REV3L: variants seen among roughly 807,000 people sequenced by gnomAD.
REV3L encodes the protein DNA polymerase zeta catalytic subunit.
A neutral mutation model predicts 299.4 loss-of-function variants in REV3L; 69 were observed. The observed-to-expected ratio is 0.23, with a 90% CI of 0.19 to 0.28. The LOEUF is 0.28. REV3L is among the 10% of genes least tolerant of loss of function. The probability of loss-of-function intolerance (pLI) is 1.00; values close to 1 mark genes in which losing one functional copy is unlikely to be tolerated. For missense variants in REV3L, 3,128 were observed against 3,693.8 expected (o/e 0.85, Z 3.97); for synonymous variants, 1,238 against 1,271.4 (o/e 0.97, Z 0.56).
At chr6:111,372,455 A>G (rs985881414) in intron 13 of REV3L, 141 bp downstream of exon 13, 1 of 550,070 alleles carries the variant, frequency 1.8e-6, no homozygotes, top group Non-Finnish European at 2.8e-6. Context: ...CCACAATGAT[A>G]TACTTACAAA....
In REV3L at chr6:111,333,184, T is replaced by C. The variant is rs1428215101; in HGVS notation, c.7864A>G (p.Ile2622Val). Residue 2622 changes from isoleucine to valine, a missense_variant, in exon 23 of 32, where the codon ATT becomes GTT. Physicochemically the swap from Ile to Val is conservative, Grantham distance 29. Coordinates refer to ENST00000368802, the MANE Select transcript of REV3L (RefSeq NM_001372078.1). ...VLDFQSLYPS[I>V]VIAYNYCFST... is the part of the protein sequence containing the mutation. ...AAGCAGTAGTTATATGCAATCACAA[T>C]AGAAGGATAAAGTGATTGGAAATCC... 6 of 1,614,062 alleles carry C rather than the reference T, an allele frequency of 3.7e-6. No individual in the cohort carries two copies. Among genetic ancestry groups the C allele is most frequent in the Admixed American group, 1.7e-5 (1 of 60,022 alleles).
At position 111,422,626 on chromosome 6, in the gene REV3L, A is replaced by G. The variant is rs1785587264; in HGVS notation, c.140-6154T>C. Among the ~76,000 whole-genome samples the G allele has an allele frequency of 2.6e-4, 7 of 27,172 alleles. 1 individual carries two copies. The highest frequency in any genetic ancestry group is 5.5e-4 in the Non-Finnish European group (4 of 7,310). 17.8% of individuals were successfully genotyped at this position (27,172 alleles called of 152,430 possible). A position where few individuals can be genotyped will look rare whatever the true frequency, so the allele number is the denominator to read the frequency against. On this transcript the variant is annotated intron_variant, in intron 1 of 31. Coordinates refer to ENST00000368802, the MANE Select transcript of REV3L (RefSeq NM_001372078.1). ...TATATATATATACACATATATATAT[A>G]TATACACATATATATATATATACAT...
intron 19 of REV3L, among the ~76,000 whole-genome samples, chr6:111,351,314 AATAATTATGAAGACTATTTC>A (rs1777544305): frequency 6.6e-6 from 1 of 152,150 alleles, no homozygotes; most frequent in South Asian, 2.1e-4. Flanking sequence ...GTAGCTTCAT[AATAATTATGAAGACTATTTC>A]ATAATGCAGA....
rs1772779813 is a variant in REV3L at position 111,309,960 on chromosome 6, T to G, written c.8935A>C (p.Arg2979=). 6.2e-7 allele frequency: 1 copy of G among 1,613,962 alleles called. No homozygotes were observed. The highest frequency in any genetic ancestry group is 8.5e-7 in the Non-Finnish European group (1 of 1,180,004). ...PVEVLQDPTL[R]LNATYYITKQ... ...GTAATATAGTAAGTAGCATTCAGTC[T>G]CAGAGTTGGGTCCTGCAGGACTTCC... Residue 2979 remains arginine (R), a synonymous_variant, in exon 30 of 32, where the codon AGA becomes CGA. Coordinates refer to ENST00000368802, the MANE Select transcript of REV3L (RefSeq NM_001372078.1).
Position 111,333,304 on chromosome 6 carries a change from T to C in REV3L, c.7744A>G (p.Ser2582Gly), listed in dbSNP as rs759429378. 1.9e-6 allele frequency: 3 copies of C among 1,614,072 alleles called. No homozygotes were observed. Among genetic ancestry groups the C allele is most frequent in the South Asian group, 2.2e-5 (2 of 91,084 alleles). Residue 2582 changes from serine (S) to glycine (G), a missense_variant, in exon 23 of 32, where the codon AGT becomes GGT. By Grantham distance (56) the Ser-to-Gly change is moderately conservative (BLOSUM62 0). Transcript: ENST00000368802. ...KPMNYIPVTPSVQQRSQMRAP... is the reference protein window; with the variant it reads ...KPMNYIPVTPGVQQRSQMRAP... Reference sequence around the variant, plus strand: ...CTCATCTGGGATCTTTGCTGAACACTAGGTGTCACAGGAATATAGTTCATT... The same window carrying C: ...CTCATCTGGGATCTTTGCTGAACACCAGGTGTCACAGGAATATAGTTCATT...
In REV3L at chr6:111,329,562, A is replaced by G; in HGVS notation, c.8211T>C (p.Ala2737=). 1 of 1,614,182 alleles carries G rather than the reference A, an allele frequency of 6.2e-7. No individual in the cohort carries two copies. ...IANVTFGYTS[A]NFSGRMPCIE... The stretch of plus-strand genomic sequence containing the variant: ...TGCATGGCATTCTCCCAGAAAAATT[A>G]GCAGATGTATAGCCAAATGTGACAT... Residue 2737 remains alanine, a synonymous_variant, in exon 25 of 32, where the codon GCT becomes GCC. Transcript: ENST00000368802.
At chr6:111,411,385 A>T in intron 3 of REV3L, 95 bp downstream of exon 3, 1 of 772,280 alleles carries the variant, frequency 1.3e-6, no homozygotes, top group African/African-American at 1.8e-5. Flanking sequence ...CTTTAATAAG[A>T]CTACAAACTA....
chr6:111,367,424 A>T lies in REV3L; in HGVS notation c.6364T>A (p.Ser2122Thr). The T allele has an allele frequency of 1.2e-6, 2 of 1,611,520 alleles. No homozygotes were observed. The highest frequency in any genetic ancestry group is 1.7e-6 in the Non-Finnish European group (2 of 1,179,036). The change falls in exon 14 of 32, where the codon TCT becomes ACT. Residue 2122 changes from serine (S) to threonine (T), a missense_variant. Ser to Thr is a moderately conservative substitution (Grantham distance 58). Around this residue, in one of 9 missense-constraint regions of REV3L, gnomAD observed 2,409 missense variants for 2,611.8 expected, o/e 0.92. Coordinates refer to ENST00000368802, the MANE Select transcript of REV3L (RefSeq NM_001372078.1). ...TGTTGCCAAGGGGGAATTACTGGAG[A>T]ATCAGGGGAGCTATAACTAATGTAA... ...NYYISYSSPD[S>T]PVIPPWQQPI...
intron 1 of REV3L, among the ~76,000 whole-genome samples, chr6:111,424,378 A>G (rs915231977): frequency 1.3e-4 from 20 of 152,210 alleles, no homozygotes; most frequent in Non-Finnish European, 2.8e-4. Flanking sequence ...GGACCTTTCA[A>G]TATCTGTTCC....
At chr6:111,475,931 C>T (rs989495177) in intron 1 of REV3L, among the ~76,000 whole-genome samples, 2 of 152,162 alleles carry the variant, frequency 1.3e-5, no homozygotes, top group Non-Finnish European at 2.9e-5. Context: ...AGATGACTAA[C>T]TGGCTATCCC....
chr6:111,318,366 T>C (rs767906642), intron 26 of REV3L, among the ~76,000 whole-genome samples: 1 of 151,964 alleles, frequency 6.6e-6, no homozygotes, highest in Non-Finnish European at 1.5e-5. Context: ...GCCAGGATGG[T>C]CTCCATCTGC....
chr6:111,325,351 T>C (rs553214355), intron 25 of REV3L, among the ~76,000 whole-genome samples: 1 of 152,234 alleles, frequency 6.6e-6, no homozygotes, highest in Non-Finnish European at 1.5e-5. Flanking sequence ...TAAGTCCAAC[T>C]GAGACAGAGA....
At chr6:111,305,309 T>C (rs192324154) in intron 31 of REV3L, among the ~76,000 whole-genome samples, 1 of 152,142 alleles carries the variant, frequency 6.6e-6, no homozygotes, top group East Asian at 1.9e-4. Flanking sequence ...AGAAATAAGA[T>C]GGCCGGGCAT....
At chr6:111,314,421 G>T (rs770837284) in intron 27 of REV3L, among the ~76,000 whole-genome samples, 31 of 152,160 alleles carry the variant, frequency 2.0e-4, no homozygotes, top group Non-Finnish European at 4.0e-4. Flanking sequence ...TCTTTGGGAT[G>T]TTCACACCTA....
intron 4 of REV3L, among the ~76,000 whole-genome samples, chr6:111,404,966 C>A (rs961410446): frequency 2.0e-5 from 3 of 152,136 alleles, no homozygotes; most frequent in African/African-American, 7.2e-5. Context: ...GAGAGACCAA[C>A]ACGTCCACTA....
At chr6:111,352,766 G>A (rs1374044661) in intron 18 of REV3L, among the ~76,000 whole-genome samples, 1 of 152,164 alleles carries the variant, frequency 6.6e-6, no homozygotes, top group Non-Finnish European at 1.5e-5. Context: ...GAAGAAAAAT[G>A]TGCTCCTCGT....
At chr6:111,476,571 T>C (rs1792966945) in intron 1 of REV3L, among the ~76,000 whole-genome samples, 1 of 152,100 alleles carries the variant, frequency 6.6e-6, no homozygotes, top group Admixed American at 6.6e-5. Context: ...GATTATGGAG[T>C]TTTAGATAAG....
intron 1 of REV3L, among the ~76,000 whole-genome samples, chr6:111,436,968 T>C (rs762145849): frequency 1.3e-5 from 2 of 152,192 alleles, no homozygotes; most frequent in Non-Finnish European, 2.9e-5. Context: ...AATAAACATT[T>C]TCCTGAGGAG....
Position 111,431,396 on chromosome 6 carries a change from A to T in REV3L, c.140-14924T>A, listed in dbSNP as rs190280663. The T allele has an allele frequency of 3.9e-4, 380 of 980,062 alleles. 3 individuals carry two copies. In the East Asian group the frequency reaches 6.4e-3, roughly 17 times the overall value. 60.7% of individuals were successfully genotyped at this position (980,062 alleles called of 1,614,324 possible). ...ACAGGCTCATAGCGCTGAAAGCAGTAACAAACTTTGGCGTTCCGGTTAAAG... is the reference window on the plus strand; with the variant it reads ...ACAGGCTCATAGCGCTGAAAGCAGTTACAAACTTTGGCGTTCCGGTTAAAG... On this transcript the variant is annotated intron_variant, in intron 1 of 31. Transcript: ENST00000368802.
Sources: allele counts gnomAD v4.1 joint callset (sites outside exome capture counted in the v4.1 genomes callset), GRCh38; gene constraint gnomAD v4.1.1; regional missense constraint gnomAD v4.1.1; transcripts MANE v1.5; gene names NCBI Gene and HGNC (gene_info 2026-07-23, HGNC 2026-07-21).